RIF1: variants seen among roughly 807,000 people sequenced by gnomAD.
The protein encoded by RIF1 is replication timing regulatory factor 1, also known as telomere-associated protein RIF1.
In RIF1, 45 loss-of-function variants were observed where a neutral mutation model predicts 247.1. The observed-to-expected ratio is 0.18, with a 90% CI of 0.14 to 0.23. The LOEUF (loss-of-function observed/expected upper bound fraction) is 0.23. Among genes scored for constraint, RIF1 ranks in the 10% least tolerant of loss-of-function variants. The pLI, the probability that RIF1 is intolerant of heterozygous loss-of-function variation, is 1.00. For synonymous variants in RIF1, 1,087 were observed against 978.8 expected (o/e 1.11, Z -2.06); for missense variants, 2,967 against 2,862.5 (o/e 1.04, Z -0.83).
intron 11 of RIF1, chr2:151,501,535 G>T: frequency 9.1e-7 from 1 of 1,096,096 alleles, no homozygotes; most frequent in Non-Finnish European, 1.2e-6. Flanking sequence ...CATTTTTTAG[G>T]TAGACTTAAC....
At chr2:151,449,086 A>G (rs1365830839) in intron 20 of RIF1, among the ~76,000 whole-genome samples, 3 of 152,128 alleles carry the variant, frequency 2.0e-5, no homozygotes, top group East Asian at 3.9e-4. Context: ...AAGTTAACCT[A>G]ACTTGATTAT....
Position 151,420,328 on chromosome 2 carries a change from G to C in RIF1, c.642G>C (p.Leu214Phe). The change falls in exon 7 of 36, where the codon TTG becomes TTC. Residue 214 changes from leucine to phenylalanine, a missense_variant. Leu to Phe is a conservative substitution (Grantham distance 22, BLOSUM62 0). This residue lies in a region of RIF1 where 269 missense variants were observed against 288.6 expected (regional missense o/e 0.93). Transcript: ENST00000444746. Reference protein sequence around the residue: ...ATALEMGMPLLLQKQQEIASI... With the variant: ...ATALEMGMPLFLQKQQEIASI... ...CTCTGGAGATGGGAATGCCATTATT[G>C]CTTCAGAAACAGCAAGAAATAGCAT... is the stretch of plus-strand genomic sequence containing the variant. 1 of 1,614,148 alleles carries C rather than the reference G, an allele frequency of 6.2e-7. No individual in the cohort carries two copies. Among genetic ancestry groups the C allele is most frequent in the Admixed American group, 1.7e-5 (1 of 60,010 alleles).
rs1366412354 is a variant in RIF1 at position 151,481,715 on chromosome 2, G to A, written c.*6644G>A. ...AATAATGGTGCAGTCAGTTTTATTT[G>A]ATTGTGTAATGCTTTATACTAGGGG... is the stretch of plus-strand genomic sequence containing the variant. On this transcript the variant is annotated 3_prime_UTR_variant, in exon 36 of 36. Transcript: ENST00000444746. 1.3e-5 allele frequency: 2 copies of A among 152,204 alleles called. No individual in the cohort carries two copies. The highest frequency in any genetic ancestry group is 4.8e-5 in the African/African-American group (2 of 41,458). 9.4% of individuals were successfully genotyped at this position (152,204 alleles called of 1,614,324 possible).
the RIF1 span, among the ~76,000 whole-genome samples, chr2:151,515,151 T>TC: frequency 6.6e-6 from 1 of 152,186 alleles, no homozygotes; most frequent in African/African-American, 2.4e-5. Context: ...GATGGGCCCC[T>TC]CACTCATCAG....
intron 9 of RIF1, chr2:151,491,390 T>G: frequency 3.5e-6 from 1 of 283,430 alleles, no homozygotes; most frequent in South Asian, 4.2e-5. Flanking sequence ...GTATTTTATG[T>G]ATTTTCATTA....
the RIF1 span, among the ~76,000 whole-genome samples, chr2:151,531,610 C>T: frequency 6.6e-6 from 1 of 152,290 alleles, no homozygotes; most frequent in Admixed American, 6.5e-5. Flanking sequence ...AGCCACCACG[C>T]CCGGCCACAA....
At chr2:151,410,132 C>T in intron 1 of RIF1, 99 bp downstream of exon 1, 1 of 681,350 alleles carries the variant, frequency 1.5e-6, no homozygotes, top group Admixed American at 2.0e-5. Flanking sequence ...CCCCGGGCTT[C>T]TCCCGCCCTC....
chr2:151,463,068 C>T lies in RIF1; in HGVS notation c.3548C>T (p.Thr1183Ile). 2 of 1,613,786 alleles carry T rather than the reference C, an allele frequency of 1.2e-6. No individual in the cohort carries two copies. The highest frequency in any genetic ancestry group is 1.7e-6 in the Non-Finnish European group (2 of 1,179,848). ...AAAGCTTTAATTTCATCAAGGAAAA[C>T]ATCAACTGAATGTGCATCTAGTACA... The part of the protein sequence containing the change: ...RKKALISSRK[T>I]STECASSTEN... Residue 1183 changes from threonine to isoleucine, a missense_variant, in exon 30 of 36, where the codon ACA becomes ATA. Around this residue, in one of 7 missense-constraint regions of RIF1, gnomAD observed 2,028 missense variants for 1,825.6 expected, o/e 1.11. Coordinates refer to ENST00000444746, the MANE Select transcript of RIF1 (RefSeq NM_018151.5).
intron 20 of RIF1, among the ~76,000 whole-genome samples, chr2:151,447,577 ACT>A (rs1422656758): frequency 6.6e-6 from 1 of 151,810 alleles, no homozygotes; most frequent in Non-Finnish European, 1.5e-5. Flanking sequence ...ACAGAGTCTC[ACT>A]CTGCTGCGCA....
Position 151,435,447 on chromosome 2 carries a change from T to G in RIF1, c.1078-16T>G, listed in dbSNP as rs747867358. On this transcript the variant is annotated splice_polypyrimidine_tract_variant and intron_variant, in intron 10 of 35. Transcript: ENST00000444746. ...GTTGTATAGTTTATAGATCGATGTTTTCTTTTACCCCATAGGTTTGTGTGC... is the reference window on the plus strand; with the variant it reads ...GTTGTATAGTTTATAGATCGATGTTGTCTTTTACCCCATAGGTTTGTGTGC... 5.5e-6 allele frequency: 8 copies of G among 1,448,964 alleles called. No homozygotes were observed. The highest frequency in any genetic ancestry group is 2.9e-6 in the Non-Finnish European group (3 of 1,031,052). The allele number at this position is 1,448,964 out of a possible 1,614,324, so 89.8% of individuals were successfully genotyped here. A position where few individuals can be genotyped will look rare whatever the true frequency, so the allele number is the denominator to read the frequency against.
intron 31 of RIF1, 108 bp downstream of exon 31, chr2:151,468,254 T>G (rs565177473): frequency 5.2e-5 from 58 of 1,108,846 alleles, no homozygotes; most frequent in Non-Finnish European, 7.0e-5. Flanking sequence ...TTCCTTGGTT[T>G]AAAATATATT....
rs554280665 is a variant in RIF1 at position 151,431,670 on chromosome 2, C to A, written c.926-1407C>A. On this transcript the variant is annotated intron_variant, in intron 9 of 35. Transcript: ENST00000444746. ...GGCATGGTGGCACATGCCTGTAATC[C>A]CAGCTACTTGGGAGGCAGAGGCAGG... Among the ~76,000 whole-genome samples the A allele has an allele frequency of 5.6e-4, 85 of 152,216 alleles. 1 individual carries two copies. Among genetic ancestry groups the A allele is most frequent in the African/African-American group, 1.6e-3 (68 of 41,544 alleles).
At chr2:151,413,395 T>C (rs566962193) in intron 3 of RIF1, among the ~76,000 whole-genome samples, 1 of 152,166 alleles carries the variant, frequency 6.6e-6, no homozygotes, top group Non-Finnish European at 1.5e-5. Flanking sequence ...TGGATGCACA[T>C]GGAAGGTTGA....
chr2:151,520,337 C>A, the RIF1 span, among the ~76,000 whole-genome samples: 1 of 151,982 alleles, frequency 6.6e-6, no homozygotes, highest in Non-Finnish European at 1.5e-5. Context: ...GGGTTAATGG[C>A]TTCAAGTGTG....
chr2:151,524,043 C>G, the RIF1 span, among the ~76,000 whole-genome samples: 1 of 152,124 alleles, frequency 6.6e-6, no homozygotes, highest in Non-Finnish European at 1.5e-5. Flanking sequence ...ATCTCATGAA[C>G]TGATGTTTTT....
rs1030297061 is a variant in RIF1, at chr2:151,497,875, T to C, written c.*514-1470T>C. Reference sequence around the variant, plus strand: ...ACTTTAGTGGAAGCTGTTGTTGGGATAGGGAATCTGCACCCTCTAGAGAAG... The same window carrying C: ...ACTTTAGTGGAAGCTGTTGTTGGGACAGGGAATCTGCACCCTCTAGAGAAG... On this transcript the variant is annotated intron_variant and NMD_transcript_variant, in intron 10 of 13. Coordinates refer to the RIF1 transcript ENST00000454583. The C allele has an allele frequency of 6.0e-6, 9 of 1,503,542 alleles. No individual in the cohort carries two copies. In the African/African-American group the frequency reaches 1.1e-4, roughly 19 times the overall value. The allele number at this position is 1,503,542 out of a possible 1,614,324, so 93.1% of individuals were successfully genotyped here.
chr2:151,514,637 A>G, the RIF1 span, among the ~76,000 whole-genome samples: 1 of 152,216 alleles, frequency 6.6e-6, no homozygotes, highest in Non-Finnish European at 1.5e-5. Flanking sequence ...GGTAATATTC[A>G]AATAAAAAAT....
At chr2:151,433,709 C>CTGTA (rs1441767155) in intron 10 of RIF1, among the ~76,000 whole-genome samples, 5 of 152,064 alleles carry the variant, frequency 3.3e-5, no homozygotes, top group Non-Finnish European at 7.4e-5. Flanking sequence ...CCCATGCCAG[C>CTGTA]CTCCCAAAAT....
At chr2:151,496,972 C>T (rs751440474) in intron 10 of RIF1, 2 of 1,580,676 alleles carry the variant, frequency 1.3e-6, no homozygotes, top group Non-Finnish European at 1.7e-6. Flanking sequence ...GTGTTTGACT[C>T]TCTCCATCTC....
Sources: gnomAD v4.1 joint callset for allele counts (sites outside exome capture counted in the v4.1 genomes callset) on GRCh38, gnomAD v4.1.1 for gene constraint, gnomAD v4.1.1 regional missense constraint, MANE v1.5 for transcripts, NCBI Gene and HGNC (gene_info 2026-07-23, HGNC 2026-07-21) for gene names.